DACH2: variants seen among roughly 807,000 people sequenced by gnomAD.
DACH2 encodes the protein dachshund homolog 2.
DACH2 carries 17 observed loss-of-function variants against 35.8 expected under a neutral mutation model. That is an observed-to-expected ratio of 0.48 (90% CI 0.33 to 0.71). The LOEUF (loss-of-function observed/expected upper bound fraction) is 0.71, where lower values mean the gene tolerates loss of function less well. DACH2 is among the 30% of genes least tolerant of loss of function. The pLI is 0.02. For missense variants in DACH2, 469 were observed against 472.7 expected (o/e 0.99, Z 0.07); for synonymous variants, 195 against 177.3 (o/e 1.10, Z -0.79).
chrX:86,388,050 A>G (rs1018649355), intron 2 of DACH2, among the ~76,000 whole-genome samples: 38 of 111,997 alleles, frequency 3.4e-4, no homozygotes, highest in African/African-American at 1.2e-3. Flanking sequence ...CCTTTGAAAT[A>G]AGGGCACTGA....
chrX:86,643,463 C>T (rs936422443), intron 3 of DACH2, among the ~76,000 whole-genome samples: 3 of 107,616 alleles, frequency 2.8e-5, no homozygotes, highest in African/African-American at 1.0e-4. Context: ...GAAATTGAAT[C>T]AGTAATAAGC....
At chrX:86,508,995 A>C (rs2038361967) in intron 2 of DACH2, among the ~76,000 whole-genome samples, 1 of 111,714 alleles carries the variant, frequency 9.0e-6, no homozygotes, top group Non-Finnish European at 1.9e-5. Context: ...TATAATTATA[A>C]GATTAATACA....
At chrX:86,251,048 C>T (rs2033389543) in intron 1 of DACH2, among the ~76,000 whole-genome samples, 1 of 111,297 alleles carries the variant, frequency 9.0e-6, no homozygotes, top group Non-Finnish European at 1.9e-5. Flanking sequence ...ATCCTGACCC[C>T]TAACTTTTAT....
chrX:86,556,617 G>C (rs1452916454), intron 3 of DACH2, among the ~76,000 whole-genome samples: 2 of 107,060 alleles, frequency 1.9e-5, no homozygotes, highest in African/African-American at 6.7e-5. Flanking sequence ...TTGAACTGAG[G>C]TAAATCACTT....
At chrX:86,291,036 T>C (rs1373000563) in intron 1 of DACH2, among the ~76,000 whole-genome samples, 1 of 104,147 alleles carries the variant, frequency 9.6e-6, no homozygotes, top group Non-Finnish European at 2.0e-5. Flanking sequence ...TTTCACGATA[T>C]TGATTCTTCC....
At chrX:86,473,205 T>A (rs1305151133) in intron 2 of DACH2, among the ~76,000 whole-genome samples, 1 of 111,069 alleles carries the variant, frequency 9.0e-6, no homozygotes, top group Non-Finnish European at 1.9e-5. Flanking sequence ...TATAATTAAA[T>A]TATTTAAAAA....
chrX:86,596,121 C>T (rs2039708312), intron 3 of DACH2, among the ~76,000 whole-genome samples: 1 of 111,891 alleles, frequency 8.9e-6, no homozygotes, highest in Non-Finnish European at 1.9e-5. Context: ...GAATAATATT[C>T]CGTTATACAG....
intron 7 of DACH2, chrX:86,742,734 G>A (rs1249179586): frequency 3.4e-6 from 1 of 290,913 alleles, no homozygotes; most frequent in African/African-American, 2.8e-5. Context: ...AAGGTAAAAT[G>A]ATTTTTGCTT....
Position 86,216,400 on chromosome X carries a change from G to A in DACH2, c.488+67292G>A, listed in dbSNP as rs777952693. Among the ~76,000 whole-genome samples the A allele has an allele frequency of 1.5e-4, 10 of 67,434 alleles. No homozygotes were observed. The East Asian group carries it at 3.9e-3, about 26-fold the overall frequency. 58.6% of individuals were successfully genotyped at this position (67,434 alleles called of 115,157 possible). ...CAGGCCCCGGTGTGTGATGTTCCCC[G>A]CCCTGTGTCCATGTGCTTCTCATTG... On this transcript the variant is annotated intron_variant, in intron 1 of 11. Transcript: ENST00000373125.
At chrX:86,322,326 C>G (rs2035030089) in intron 1 of DACH2, among the ~76,000 whole-genome samples, 1 of 110,571 alleles carries the variant, frequency 9.0e-6, no homozygotes, top group African/African-American at 3.3e-5. Flanking sequence ...AAAATGCACT[C>G]CAGAGGAGTG....
chrX:86,600,143 A>G (rs1325391443), intron 3 of DACH2, among the ~76,000 whole-genome samples: 1 of 112,393 alleles, frequency 8.9e-6, no homozygotes, highest in Admixed American at 9.4e-5. Flanking sequence ...GAGTGGAGGT[A>G]GAGAGAATTT....
intron 2 of DACH2, among the ~76,000 whole-genome samples, chrX:86,418,378 C>T (rs1470345641): frequency 8.9e-6 from 1 of 112,268 alleles, no homozygotes; most frequent in African/African-American, 3.2e-5. Flanking sequence ...GAACCCTTTC[C>T]CTGCAGCAAA....
intron 1 of DACH2, among the ~76,000 whole-genome samples, chrX:86,301,048 T>G (rs2034566464): frequency 8.9e-6 from 1 of 111,997 alleles, no homozygotes; most frequent in South Asian, 3.6e-4. Flanking sequence ...ATACAATGTT[T>G]GTGTTATTTG....
intron 1 of DACH2, among the ~76,000 whole-genome samples, chrX:86,220,784 G>GTAATTT (rs1320675489): frequency 1.8e-5 from 2 of 111,811 alleles, no homozygotes; most frequent in African/African-American, 6.5e-5. Flanking sequence ...ATTTTTTGAA[G>GTAATTT]AACCTCCATA....
chrX:86,821,265 A>G (rs2042509292), intron 11 of DACH2, among the ~76,000 whole-genome samples: 2 of 111,058 alleles, frequency 1.8e-5, no homozygotes, highest in Admixed American at 9.6e-5. Flanking sequence ...AAGTGAAAAT[A>G]TTTTCTTATA....
Position 86,506,040 on chromosome X carries a change from T to C in DACH2, c.528-8239T>C, listed in dbSNP as rs1288636902. Among the ~76,000 whole-genome samples the C allele has an allele frequency of 2.7e-5, 3 of 111,836 alleles. No homozygotes were observed. In the East Asian group the frequency reaches 8.4e-4, roughly 31 times the overall value. The stretch of plus-strand genomic sequence containing the variant: ...ATTTCTGTTGCTATACAACAAATTG[T>C]GATGGACAGCAACTGAAAATAACAC... On this transcript the variant is annotated intron_variant, in intron 2 of 11. Transcript: ENST00000373125.
intron 3 of DACH2, among the ~76,000 whole-genome samples, chrX:86,585,522 G>A (rs1371139384): frequency 9.1e-6 from 1 of 110,393 alleles, no homozygotes; most frequent in Admixed American, 9.7e-5. Flanking sequence ...GTACCCTATA[G>A]GTATATTTTC....
intron 2 of DACH2, among the ~76,000 whole-genome samples, chrX:86,414,704 C>T (rs1010525865): frequency 4.5e-5 from 5 of 111,473 alleles, no homozygotes; most frequent in African/African-American, 6.5e-5. Context: ...TTAAACCAAG[C>T]GAGATCAGGC....
chrX:86,705,050 C>CATATATATATATATATCTTACATAT (rs1556379565), intron 5 of DACH2, among the ~76,000 whole-genome samples: 3,838 of 75,175 alleles, frequency 0.051, 229 homozygotes, highest in African/African-American at 0.18. Context: ...ATATATCTCA[C>CATATATATATATATATCTTACATAT]ATATATATAT....
Sources: gnomAD v4.1 joint callset for allele counts (sites outside exome capture counted in the v4.1 genomes callset) on GRCh38, gnomAD v4.1.1 for gene constraint, MANE v1.5 for transcripts, NCBI Gene and HGNC (gene_info 2026-07-23, HGNC 2026-07-21) for gene names.